Variants in ROBO2 observed in about 807,000 individuals in gnomAD.
ROBO2 encodes the protein roundabout guidance receptor 2.
Under a neutral mutation model 160.8 loss-of-function variants are expected in ROBO2, and 53 were observed. That is an observed-to-expected ratio of 0.33 (90% CI 0.26 to 0.41). The LOEUF (loss-of-function observed/expected upper bound fraction) is 0.41, where lower values mean the gene tolerates loss of function less well. Ranked by LOEUF, ROBO2 falls within the 10% of genes least tolerant of loss-of-function variation. The pLI, the probability that ROBO2 is intolerant of heterozygous loss-of-function variation, is 1.00. For synonymous variants in ROBO2, 664 were observed against 611.7 expected (o/e 1.09, Z -1.26); for missense variants, 1,577 against 1,722.4 (o/e 0.92, Z 1.49).
intron 2 of ROBO2, among the ~76,000 whole-genome samples, chr3:76,588,582 T>G (rs1053981749): frequency 1.2e-4 from 18 of 152,352 alleles, no homozygotes; most frequent in Admixed American, 9.8e-4. Context: ...GATGATATTC[T>G]TTAAGAAGCA....
At chr3:76,911,896 G>T (rs1400752953) in intron 2 of ROBO2, among the ~76,000 whole-genome samples, 1 of 152,146 alleles carries the variant, frequency 6.6e-6, no homozygotes, top group Non-Finnish European at 1.5e-5. Context: ...TTGAGCCCAG[G>T]AGGTCAGGGT....
At chr3:76,865,482 G>A (rs1232059622) in intron 2 of ROBO2, among the ~76,000 whole-genome samples, 1 of 152,050 alleles carries the variant, frequency 6.6e-6, no homozygotes, top group Non-Finnish European at 1.5e-5. Flanking sequence ...ACCACACTTT[G>A]AGTAGTACTG....
intron 1 of ROBO2, among the ~76,000 whole-genome samples, chr3:77,056,928 G>A (rs2065807796): frequency 6.6e-6 from 1 of 152,042 alleles, no homozygotes; most frequent in Non-Finnish European, 1.5e-5. Flanking sequence ...CAAGTTCATA[G>A]GAATGCCATT....
chr3:76,067,131 C>T (rs779896818), intron 2 of ROBO2, among the ~76,000 whole-genome samples: 1 of 152,068 alleles, frequency 6.6e-6, no homozygotes, highest in Admixed American at 6.6e-5. Context: ...CTGGAGTCGG[C>T]TTTTTTGGTT....
intron 2 of ROBO2, among the ~76,000 whole-genome samples, chr3:75,979,954 G>T (rs114274014): frequency 6.6e-6 from 1 of 151,568 alleles, no homozygotes; most frequent in South Asian, 2.1e-4. Flanking sequence ...CATAGGAGCC[G>T]TGGATAAGGA....
At chr3:77,378,263 G>A (rs748924125) in intron 2 of ROBO2, among the ~76,000 whole-genome samples, 7 of 152,104 alleles carry the variant, frequency 4.6e-5, no homozygotes, top group African/African-American at 7.2e-5. Flanking sequence ...ATATTTTGTT[G>A]AGAACTTGCA....
intron 2 of ROBO2, among the ~76,000 whole-genome samples, chr3:76,226,901 T>G (rs1025051599): frequency 6.6e-6 from 1 of 152,152 alleles, no homozygotes; most frequent in Admixed American, 6.6e-5. Flanking sequence ...TAAAAATAAA[T>G]GTACTCACAG....
intron 2 of ROBO2, among the ~76,000 whole-genome samples, chr3:77,337,171 T>C (rs911041194): frequency 2.6e-5 from 4 of 152,226 alleles, no homozygotes; most frequent in Non-Finnish European, 2.9e-5. Flanking sequence ...AGTGAAGTCA[T>C]ATTTCTAAAG....
Position 76,970,239 on chromosome 3 carries a change from G to A in ROBO2, c.110-127775G>A, listed in dbSNP as rs1404180578. On this transcript the variant is annotated intron_variant, in intron 2 of 26. Transcript: ENST00000487694. ...CTGCTCTGTGGCCAGGGGATTAATCGCTTTCTCAAGGGCCTACCTCTACCA... is the reference window on the plus strand; with the variant it reads ...CTGCTCTGTGGCCAGGGGATTAATCACTTTCTCAAGGGCCTACCTCTACCA... Among the ~76,000 whole-genome samples, 13 of 152,206 alleles carry A rather than the reference G, an allele frequency of 8.5e-5. No individual in the cohort carries two copies. In the East Asian group the frequency reaches 2.5e-3, roughly 29 times the overall value.
intron 2 of ROBO2, among the ~76,000 whole-genome samples, chr3:76,978,626 C>T (rs2059926051): frequency 6.6e-6 from 1 of 151,998 alleles, no homozygotes; most frequent in South Asian, 2.1e-4. Context: ...AAAGGACATT[C>T]TCCAGGCTCT....
At chr3:77,070,937 C>A (rs931369942) in intron 1 of ROBO2, among the ~76,000 whole-genome samples, 2 of 151,938 alleles carry the variant, frequency 1.3e-5, no homozygotes, top group Non-Finnish European at 2.9e-5. Flanking sequence ...GAAGACTTGC[C>A]GATGGATTCG....
At chr3:76,288,946 C>T (rs1233449112) in intron 2 of ROBO2, among the ~76,000 whole-genome samples, 1 of 152,148 alleles carries the variant, frequency 6.6e-6, no homozygotes. Flanking sequence ...AATAGTGCTA[C>T]TATGAACATA....
At position 77,156,470 on chromosome 3, in the gene ROBO2, A is replaced by C. The variant is rs78637566; in HGVS notation, c.388+58130A>C. 0.022 allele frequency among the ~76,000 whole-genome samples: 3,295 copies of C among 152,082 alleles called. 179 individuals are homozygous for C. In the East Asian group the frequency reaches 0.22, roughly 10 times the overall value. On this transcript the variant is annotated intron_variant, in intron 2 of 25. Coordinates refer to ENST00000461745, the Ensembl canonical transcript of ROBO2. ...GCTATTGTACCTATGACACTGGAAA[A>C]CCATTATGAGTTAAACCAATTGTCA...
intron 2 of ROBO2, among the ~76,000 whole-genome samples, chr3:76,652,810 T>A (rs577150094): frequency 6.6e-6 from 1 of 152,200 alleles, no homozygotes; most frequent in Admixed American, 6.5e-5. Flanking sequence ...CAATGATGCT[T>A]GAAAAATAAA....
At chr3:77,029,870 A>C (rs2149546112) in intron 2 of ROBO2, among the ~76,000 whole-genome samples, 1 of 152,314 alleles carries the variant, frequency 6.6e-6, no homozygotes, top group East Asian at 1.9e-4. Context: ...TTTATGAATA[A>C]GGTTTCTTTA....
intron 1 of ROBO2, among the ~76,000 whole-genome samples, chr3:77,084,193 T>A (rs940251294): frequency 2.6e-5 from 4 of 152,042 alleles, no homozygotes; most frequent in African/African-American, 7.2e-5. Flanking sequence ...TTAAAAAAAA[T>A]TTCAACAGCA....
At chr3:76,563,332 TATG>T (rs1263415044) in intron 2 of ROBO2, among the ~76,000 whole-genome samples, 2 of 152,188 alleles carry the variant, frequency 1.3e-5, no homozygotes. Context: ...AGGCAGGAAC[TATG>T]ATAATTTTGA....
rs1336433948 is a variant in ROBO2, at chr3:77,551,005, T to C, written c.1231+16T>C. On this transcript the variant is annotated intron_variant, in intron 8 of 25. Coordinates refer to ENST00000461745, the Ensembl canonical transcript of ROBO2. The stretch of plus-strand genomic sequence containing the variant: ...GTTACTGATGGTGCGATATCTTTAC[T>C]AGATTTGTCTTATGAAAACATTGAT... 6.2e-7 allele frequency: 1 copy of C among 1,611,770 alleles called. No individual in the cohort carries two copies. The highest frequency in any genetic ancestry group is 8.5e-7 in the Non-Finnish European group (1 of 1,178,328).
At chr3:76,692,160 A>C (rs922201624) in intron 2 of ROBO2, among the ~76,000 whole-genome samples, 1 of 152,148 alleles carries the variant, frequency 6.6e-6, no homozygotes, top group Non-Finnish European at 1.5e-5. Flanking sequence ...TGGGGGAATT[A>C]GCTGACCACT....
Sources: gnomAD v4.1 joint callset for allele counts (sites outside exome capture counted in the v4.1 genomes callset) on GRCh38, gnomAD v4.1.1 for gene constraint, MANE v1.5 for transcripts, NCBI Gene and HGNC (gene_info 2026-07-23, HGNC 2026-07-21) for gene names.